PLXNA2: variants seen among roughly 807,000 people sequenced by gnomAD.
PLXNA2 encodes the protein plexin A2.
In PLXNA2, 91 loss-of-function variants were observed where a neutral mutation model predicts 193.5. The ratio of observed to expected loss-of-function variants is 0.47; its 90% CI spans 0.40 to 0.56. PLXNA2 has a LOEUF of 0.56. Ranked by LOEUF, PLXNA2 falls within the 20% of genes least tolerant of loss-of-function variation. The probability of loss-of-function intolerance (pLI) is 0.00; values close to 1 mark genes in which losing one functional copy is unlikely to be tolerated. For missense variants in PLXNA2, 1,995 were observed against 2,503.2 expected (o/e 0.80, Z 4.33); for synonymous variants, 997 against 1,027.3 (o/e 0.97, Z 0.56).
At chr1:208,031,222 G>A in intron 29 of PLXNA2, 1 of 1,062,770 alleles carries the variant, frequency 9.4e-7, no homozygotes, top group Non-Finnish European at 1.1e-6. Context: ...TGGCTGTGAA[G>A]CTCTGCTGCA....
intron 17 of PLXNA2, among the ~76,000 whole-genome samples, chr1:208,046,443 G>A (rs575483609): frequency 6.6e-6 from 1 of 152,246 alleles, no homozygotes; most frequent in East Asian, 1.9e-4. Flanking sequence ...TCTAGTCCTG[G>A]AAGAGGGCCT....
chr1:208,027,840 C>A (rs1285885537), intron 31 of PLXNA2, among the ~76,000 whole-genome samples, 169 bp downstream of exon 31: 1 of 152,200 alleles, frequency 6.6e-6, no homozygotes, highest in South Asian at 2.1e-4. Flanking sequence ...GTGTATAAAG[C>A]CTTCAGTGAA....
chr1:208,120,071 G>T (rs924616547), intron 4 of PLXNA2, among the ~76,000 whole-genome samples: 5 of 152,190 alleles, frequency 3.3e-5, no homozygotes, highest in Non-Finnish European at 7.3e-5. Context: ...CTAAGCACAG[G>T]GCTTTGGTGT....
intron 12 of PLXNA2, among the ~76,000 whole-genome samples, chr1:208,063,281 A>G (rs908516541): frequency 2.0e-5 from 3 of 152,236 alleles, no homozygotes; most frequent in Non-Finnish European, 4.4e-5. Flanking sequence ...AGGCACTGGC[A>G]GGTTCCACGG....
chr1:208,205,670 G>A (rs534897931), intron 3 of PLXNA2, among the ~76,000 whole-genome samples: 1 of 152,304 alleles, frequency 6.6e-6, no homozygotes, highest in Middle Eastern at 3.4e-3. Context: ...GAATCCCCTT[G>A]ACAGCACCCT....
intron 1 of PLXNA2, among the ~76,000 whole-genome samples, chr1:208,226,137 T>C (rs1572054052): frequency 6.6e-6 from 1 of 152,138 alleles, no homozygotes; most frequent in South Asian, 2.1e-4. Flanking sequence ...GCTCTGCCCA[T>C]GATAGCTTTG....
chr1:208,069,349 C>T (rs1665907272), intron 12 of PLXNA2, among the ~76,000 whole-genome samples: 1 of 152,170 alleles, frequency 6.6e-6, no homozygotes, highest in Non-Finnish European at 1.5e-5. Flanking sequence ...GGCACCACAG[C>T]TAAATCTGTA....
intron 13 of PLXNA2, among the ~76,000 whole-genome samples, chr1:208,057,078 G>T (rs1422141406): frequency 6.6e-6 from 1 of 152,188 alleles, no homozygotes. Context: ...GGAGTGGAAA[G>T]GGTTATATTG....
Position 208,060,814 on chromosome 1 carries a change from C to T in PLXNA2, c.2610G>A (p.Pro870=), listed in dbSNP as rs140585758. The part of the protein sequence containing the change: ...ITEILTVSGP[P]EGGTRVTIHG... ...GGATGGTCACTCGCGTCCCTCCTTC[C>T]GGCGGTCCAGACACCGTCAAAATCT... is the stretch of plus-strand genomic sequence containing the variant. The change falls in exon 13 of 32, where the codon CCG becomes CCA. Residue 870 remains proline, a synonymous_variant. Transcript: ENST00000367033. 204 of 1,614,050 alleles carry T rather than the reference C, an allele frequency of 1.3e-4. No homozygotes were observed. The highest frequency in any genetic ancestry group is 1.6e-4 in the Middle Eastern group (1 of 6,062).
At chr1:208,067,119 C>A (rs912168438) in intron 12 of PLXNA2, among the ~76,000 whole-genome samples, 2 of 151,914 alleles carry the variant, frequency 1.3e-5, no homozygotes, top group East Asian at 3.9e-4. Flanking sequence ...CCGAGGCAGG[C>A]GGATCACCTG....
At chr1:208,160,366 T>C (rs1166846179) in intron 3 of PLXNA2, among the ~76,000 whole-genome samples, 3 of 152,128 alleles carry the variant, frequency 2.0e-5, no homozygotes, top group African/African-American at 7.2e-5. Context: ...AGTGTGCTTG[T>C]AAGGAGAGCC....
chr1:208,095,961 C>T lies in PLXNA2; in HGVS notation c.1982+68G>A, dbSNP rs149489129. On this transcript the variant is annotated intron_variant, in intron 8 of 31. Transcript: ENST00000367033. Reference sequence around the variant, plus strand: ...TGGTTCCTGCCCTAAAGGAGCTTAGCATCGAGGGGAAGAAAGCCCATACCC... The same window carrying T: ...TGGTTCCTGCCCTAAAGGAGCTTAGTATCGAGGGGAAGAAAGCCCATACCC... The T allele has an allele frequency of 2.0e-3, 2,365 of 1,206,028 alleles. 30 individuals carry two copies. The highest frequency in any genetic ancestry group is 0.015 in the South Asian group (1,217 of 81,066). 74.7% of individuals were successfully genotyped at this position (1,206,028 alleles called of 1,614,324 possible). A position where few individuals can be genotyped will look rare whatever the true frequency, so the allele number is the denominator to read the frequency against.
chr1:208,085,484 T>C (rs1302616697), intron 9 of PLXNA2, among the ~76,000 whole-genome samples: 3 of 152,226 alleles, frequency 2.0e-5, no homozygotes, highest in Non-Finnish European at 4.4e-5. Flanking sequence ...CTGATGCTGC[T>C]ACAGGGCCTG....
chr1:208,063,311 T>C (rs1225748804), intron 12 of PLXNA2, among the ~76,000 whole-genome samples: 1 of 152,226 alleles, frequency 6.6e-6, no homozygotes, highest in African/African-American at 2.4e-5. Flanking sequence ...CTCCTGCTGG[T>C]AAATCACTGT....
chr1:208,115,187 T>G (rs1007241410), intron 4 of PLXNA2, among the ~76,000 whole-genome samples: 4 of 152,192 alleles, frequency 2.6e-5, no homozygotes, highest in Admixed American at 6.5e-5. Flanking sequence ...CAGGGGTTAG[T>G]CAGTGTGGGT....
At chr1:208,180,136 G>A (rs942191972) in intron 3 of PLXNA2, among the ~76,000 whole-genome samples, 2 of 151,388 alleles carry the variant, frequency 1.3e-5, no homozygotes, top group African/African-American at 2.4e-5. Flanking sequence ...CACAACAGGC[G>A]GTTTAGAGCA....
chr1:208,126,296 C>A (rs1465364899), intron 4 of PLXNA2, among the ~76,000 whole-genome samples: 1 of 152,098 alleles, frequency 6.6e-6, no homozygotes, highest in Non-Finnish European at 1.5e-5. Context: ...CTTTCTGGCT[C>A]CCCCATGAGG....
rs373243527 is a variant in PLXNA2 at position 208,040,166 on chromosome 1, C to T, written c.4287-108G>A. 92 of 873,508 alleles carry T rather than the reference C, an allele frequency of 1.1e-4. 1 individual carries two copies. The East Asian group carries it at 1.3e-3, about 12-fold the overall frequency. The allele number at this position is 873,508 out of a possible 1,614,324, so 54.1% of individuals were successfully genotyped here. A position where few individuals can be genotyped will look rare whatever the true frequency, so the allele number is the denominator to read the frequency against. On this transcript the variant is annotated intron_variant, in intron 22 of 31. Transcript: ENST00000367033. ...AAGAGAACAATGGAGCATGGGAGAA[C>T]GCAGGGCGGGAGTCAGGACACCTGG...
intron 11 of PLXNA2, among the ~76,000 whole-genome samples, chr1:208,080,969 C>T (rs781311108): frequency 2.6e-5 from 4 of 152,214 alleles, no homozygotes; most frequent in Admixed American, 1.3e-4. Flanking sequence ...CAGCCCAATG[C>T]GCAGCCGGCA....
Sources: gnomAD v4.1 joint callset for allele counts (sites outside exome capture counted in the v4.1 genomes callset) on GRCh38, gnomAD v4.1.1 for gene constraint, MANE v1.5 for transcripts, NCBI Gene and HGNC (gene_info 2026-07-23, HGNC 2026-07-21) for gene names.